Variants in SPMIP4 observed in about 807,000 individuals in gnomAD.
SPMIP4 encodes the protein sperm-associated microtubule inner protein 4.
At chr7:25,127,168 G>T in the SPMIP4 span, among the ~76,000 whole-genome samples, 1 of 152,064 alleles carries the variant, frequency 6.6e-6, no homozygotes, top group African/African-American at 2.4e-5. Context: ...GGGTGTCTTC[G>T]TTGGGTTAAA....
chr7:25,141,574 G>GA, the SPMIP4 span, among the ~76,000 whole-genome samples: 1,161 of 94,876 alleles, frequency 0.012, 26 homozygotes, highest in African/African-American at 0.045. Flanking sequence ...CTGTCTCAAG[G>GA]AAAAAAAAAA....
At chr7:25,162,982 A>G in the SPMIP4 span, among the ~76,000 whole-genome samples, 56,180 of 152,064 alleles carry the variant, frequency 0.37, 12,518 homozygotes, top group Non-Finnish European at 0.5. Flanking sequence ...GCTGGTCTCC[A>G]ACTCCTGACC....
At chr7:25,146,039 T>C in the SPMIP4 span, among the ~76,000 whole-genome samples, 5 of 152,230 alleles carry the variant, frequency 3.3e-5, no homozygotes, top group Non-Finnish European at 5.9e-5. Context: ...CTTTAGCATT[T>C]GGGAATACTG....
chr7:25,177,483 TA>T, the SPMIP4 span, among the ~76,000 whole-genome samples: 21 of 147,912 alleles, frequency 1.4e-4, no homozygotes, highest in East Asian at 3.9e-4. Flanking sequence ...CTCCGTCTAA[TA>T]AAAAAAAAAC....
At chr7:25,155,222 T>A in the SPMIP4 span, 5 of 1,488,546 alleles carry the variant, frequency 3.4e-6, no homozygotes, top group Non-Finnish European at 4.5e-6. Flanking sequence ...CAAAACAAAA[T>A]GAAAAGAACA....
the SPMIP4 span, among the ~76,000 whole-genome samples, chr7:25,158,256 T>C: frequency 1.3e-5 from 2 of 150,968 alleles, no homozygotes; most frequent in African/African-American, 4.9e-5. Context: ...TAGTCCCAGC[T>C]ACTTGGGAGG....
At chr7:25,135,962 A>C in the SPMIP4 span, 1 of 1,573,136 alleles carries the variant, frequency 6.4e-7, no homozygotes, top group Non-Finnish European at 8.6e-7. Context: ...TGAAGGGAAG[A>C]ATGAGTATCT....
the SPMIP4 span, chr7:25,168,388 G>T: frequency 6.2e-7 from 1 of 1,613,150 alleles, no homozygotes; most frequent in Admixed American, 1.7e-5. Flanking sequence ...GAGTGAAATC[G>T]GTATTATCCC....
At chr7:25,154,945 A>C in the SPMIP4 span, 441 of 1,464,232 alleles carry the variant, frequency 3.0e-4, no homozygotes, top group Non-Finnish European at 3.7e-4. Flanking sequence ...CCTTGCTTTA[A>C]TTTTATTATT....
chr7:25,164,663 A>G, the SPMIP4 span, among the ~76,000 whole-genome samples: 1 of 140,122 alleles, frequency 7.1e-6, no homozygotes, highest in Non-Finnish European at 1.5e-5. Context: ...TTTTTGGGGA[A>G]CAGGTGGTGA....
At chr7:25,180,345 G>A in the SPMIP4 span, 2 of 152,402 alleles carry the variant, frequency 1.3e-5, no homozygotes, top group Admixed American at 1.3e-4. Context: ...TCGGAGGCGA[G>A]AGGGGCTCTT....
the SPMIP4 span, chr7:25,125,855 C>T: frequency 4.2e-6 from 4 of 952,756 alleles, no homozygotes; most frequent in Non-Finnish European, 5.0e-6. Context: ...CAGCTCGTGA[C>T]CTTGTTCTAG....
chr7:25,168,168 T>C, the SPMIP4 span: 2 of 829,226 alleles, frequency 2.4e-6, no homozygotes, highest in Admixed American at 5.9e-5. Flanking sequence ...TTCTGTGTCT[T>C]TTCATAAATA....
the SPMIP4 span, chr7:25,125,862 C>G: frequency 3.1e-6 from 3 of 968,596 alleles, no homozygotes; most frequent in Non-Finnish European, 3.7e-6. Context: ...TGACCTTGTT[C>G]TAGTTCCACC....
the SPMIP4 span, among the ~76,000 whole-genome samples, chr7:25,154,222 T>G: frequency 6.6e-6 from 1 of 152,228 alleles, no homozygotes; most frequent in Admixed American, 6.5e-5. Flanking sequence ...TCCTTGCATT[T>G]TGGTCCAAAT....
chr7:25,156,944 C>A, the SPMIP4 span, among the ~76,000 whole-genome samples: 1 of 152,096 alleles, frequency 6.6e-6, no homozygotes, highest in Non-Finnish European at 1.5e-5. Flanking sequence ...GCCTCGGCCT[C>A]CCAAAGTGCT....
the SPMIP4 span, among the ~76,000 whole-genome samples, chr7:25,139,275 A>G: frequency 6.6e-6 from 1 of 152,170 alleles, no homozygotes; most frequent in South Asian, 2.1e-4. Flanking sequence ...TACAAATAAT[A>G]TATTTTTATT....
chr7:25,135,256 G>T, the SPMIP4 span: 1 of 909,648 alleles, frequency 1.1e-6, no homozygotes. Context: ...TAAGGCCATT[G>T]CTAGATCTTC....
chr7:25,127,515 C>T, the SPMIP4 span, among the ~76,000 whole-genome samples: 1 of 152,210 alleles, frequency 6.6e-6, no homozygotes, highest in Non-Finnish European at 1.5e-5. Context: ...TTTTCAGCTT[C>T]AGAATTTCTG....
Sources: gnomAD v4.1 joint callset for allele counts (sites outside exome capture counted in the v4.1 genomes callset) on GRCh38, gnomAD v4.1.1 for gene constraint, MANE v1.5 for transcripts, NCBI Gene and HGNC (gene_info 2026-07-23, HGNC 2026-07-21) for gene names.